Variants in PLCB1 observed in about 807,000 individuals in gnomAD.
PLCB1 encodes the protein 1-phosphatidylinositol 4,5-bisphosphate phosphodiesterase beta-1.
In PLCB1, 46 loss-of-function variants were observed where a neutral mutation model predicts 161.8. The observed-to-expected ratio is 0.28, with a 90% confidence interval of 0.22 to 0.36. The LOEUF is 0.36. Ranked by LOEUF, PLCB1 falls within the 10% of genes least tolerant of loss-of-function variation. The pLI is 1.00. For missense variants in PLCB1, 1,016 were observed against 1,472.5 expected (o/e 0.69, Z 5.07); for synonymous variants, 517 against 503.7 (o/e 1.03, Z -0.35).
At position 8,628,132 on chromosome 20, in the gene PLCB1, C is replaced by G. The variant is rs6133595; in HGVS notation, c.247-162C>G. Among the ~76,000 whole-genome samples, 2,656 of 152,274 alleles carry G rather than the reference C, an allele frequency of 0.017. 26 individuals are homozygous for G. Among genetic ancestry groups the G allele is most frequent in the South Asian group, 0.035 (169 of 4,828 alleles). On this transcript the variant is annotated intron_variant, in intron 3 of 31. Coordinates refer to ENST00000338037, the MANE Select transcript of PLCB1 (RefSeq NM_015192.4). ...CCTCTGGGCAAGTTGCTTCATCTCT[C>G]TAGGCCATTTGTGGAATGGGAGCCT...
At chr20:8,377,634 A>C (rs1279701287) in intron 3 of PLCB1, among the ~76,000 whole-genome samples, 3 of 152,210 alleles carry the variant, frequency 2.0e-5, no homozygotes, top group Non-Finnish European at 4.4e-5. Flanking sequence ...TTTAAGATAG[A>C]GACACAGGGT....
At chr20:8,168,762 T>C (rs537921365) in intron 2 of PLCB1, among the ~76,000 whole-genome samples, 155 of 151,988 alleles carry the variant, frequency 1.0e-3, no homozygotes, top group African/African-American at 1.5e-3. Context: ...TTTTTTTTTT[T>C]CCCTTTCTTT....
intron 2 of PLCB1, among the ~76,000 whole-genome samples, chr20:8,166,179 G>T (rs1401142326): frequency 6.6e-6 from 1 of 151,996 alleles, no homozygotes; most frequent in Non-Finnish European, 1.5e-5. Context: ...TCAAAGACCT[G>T]CCTATGCTCT....
At chr20:8,279,417 A>G (rs1982766611) in intron 2 of PLCB1, among the ~76,000 whole-genome samples, 1 of 152,228 alleles carries the variant, frequency 6.6e-6, no homozygotes, top group South Asian at 2.1e-4. Flanking sequence ...CATATTCACA[A>G]AGACAGAAAG....
chr20:8,631,911 TA>T (rs1988600211), intron 4 of PLCB1, among the ~76,000 whole-genome samples: 1 of 151,818 alleles, frequency 6.6e-6, no homozygotes, highest in South Asian at 2.1e-4. Flanking sequence ...GGGCCAAATT[TA>T]AAAGTCAAGA....
chr20:8,793,023 T>G (rs900472629), intron 31 of PLCB1, among the ~76,000 whole-genome samples: 2 of 152,192 alleles, frequency 1.3e-5, no homozygotes, highest in African/African-American at 4.8e-5. Context: ...ACACTGGCTT[T>G]GAAATAATCC....
At chr20:8,229,019 A>G (rs1979858887) in intron 2 of PLCB1, among the ~76,000 whole-genome samples, 1 of 151,992 alleles carries the variant, frequency 6.6e-6, no homozygotes, top group Non-Finnish European at 1.5e-5. Context: ...TGTGTCCTTT[A>G]ACAAATCCCC....
intron 4 of PLCB1, among the ~76,000 whole-genome samples, chr20:8,631,174 C>G (rs2123229525): frequency 6.6e-6 from 1 of 152,294 alleles, no homozygotes; most frequent in East Asian, 1.9e-4. Context: ...TTGTTGGGCC[C>G]CAGCCCCAGC....
At chr20:8,820,871 G>A (rs940284338) in intron 31 of PLCB1, among the ~76,000 whole-genome samples, 1 of 151,906 alleles carries the variant, frequency 6.6e-6, no homozygotes, top group Admixed American at 6.6e-5. Context: ...AAAAAAACAA[G>A]TGGGAGGAAA....
At chr20:8,442,809 C>A (rs1980621844) in intron 3 of PLCB1, among the ~76,000 whole-genome samples, 1 of 151,990 alleles carries the variant, frequency 6.6e-6, no homozygotes, top group Admixed American at 6.6e-5. Flanking sequence ...AATATGAAAA[C>A]CAAGCATGCT....
chr20:8,467,974 T>C (rs2122706616), intron 3 of PLCB1, among the ~76,000 whole-genome samples: 1 of 152,314 alleles, frequency 6.6e-6, no homozygotes, highest in Admixed American at 6.5e-5. Flanking sequence ...CTTAGCAATA[T>C]GAAATAACAA....
chr20:8,378,725 G>T (rs1987171183), intron 3 of PLCB1, among the ~76,000 whole-genome samples: 2 of 152,282 alleles, frequency 1.3e-5, no homozygotes, highest in South Asian at 4.1e-4. Flanking sequence ...AATCCTGTTT[G>T]ATATTTTACC....
intron 31 of PLCB1, among the ~76,000 whole-genome samples, chr20:8,865,644 T>A (rs1234669156): frequency 6.6e-6 from 1 of 152,158 alleles, no homozygotes; most frequent in Non-Finnish European, 1.5e-5. Context: ...AGAACCAGGT[T>A]CCTTTCATAA....
chr20:8,286,826 T>G (rs1324023842), intron 2 of PLCB1, among the ~76,000 whole-genome samples: 4 of 152,308 alleles, frequency 2.6e-5, no homozygotes, highest in African/African-American at 9.6e-5. Flanking sequence ...TGCTTTATTT[T>G]TAATATAATA....
chr20:8,389,819 AC>A lies in PLCB1; in HGVS notation c.246+18373del, dbSNP rs765177415. Among the ~76,000 whole-genome samples, 6 of 152,262 alleles carry A rather than the reference AC, an allele frequency of 3.9e-5. No individual in the cohort carries two copies. The East Asian group carries it at 9.7e-4, about 24-fold the overall frequency. The stretch of plus-strand genomic sequence containing the variant: ...TTTAAAATCCTGATGTGCAGGCCAC[AC>A]CCCAATCAATTAAATTGAAATGTCT... On this transcript the variant is annotated intron_variant, in intron 3 of 31. Coordinates refer to ENST00000338037, the MANE Select transcript of PLCB1 (RefSeq NM_015192.4).
rs577144973 is a variant in PLCB1 at position 8,539,800 on chromosome 20, C to G, written c.247-88494C>G. 1.3e-3 allele frequency among the ~76,000 whole-genome samples: 196 copies of G among 149,732 alleles called. 1 individual carries two copies. The highest frequency in any genetic ancestry group is 4.8e-3 in the African/African-American group (193 of 40,410). On this transcript the variant is annotated intron_variant, in intron 3 of 31. Coordinates refer to ENST00000338037, the MANE Select transcript of PLCB1 (RefSeq NM_015192.4). Reference sequence around the variant, plus strand: ...TCCTTCCTTCCTTCCTTTCTCTCTTCCATTTGTTGTTCTTTGTTTTTTTGT... The same window carrying G: ...TCCTTCCTTCCTTCCTTTCTCTCTTGCATTTGTTGTTCTTTGTTTTTTTGT...
At chr20:8,191,787 C>T (rs530652917) in intron 2 of PLCB1, among the ~76,000 whole-genome samples, 1 of 152,104 alleles carries the variant, frequency 6.6e-6, no homozygotes, top group Admixed American at 6.6e-5. Flanking sequence ...AGATGAGGGT[C>T]AGTCACTTAT....
intron 26 of PLCB1, among the ~76,000 whole-genome samples, chr20:8,768,298 G>T (rs777377937): frequency 2.0e-5 from 3 of 151,946 alleles, no homozygotes; most frequent in Non-Finnish European, 2.9e-5. Context: ...GCAATCTTTG[G>T]CATTCCTTGG....
chr20:8,395,622 A>G (rs543991831), intron 3 of PLCB1, among the ~76,000 whole-genome samples: 2 of 152,168 alleles, frequency 1.3e-5, no homozygotes, highest in Non-Finnish European at 2.9e-5. Context: ...GGTGGTTTAT[A>G]AAACTTTGAG....
Sources: allele counts gnomAD v4.1 joint callset (sites outside exome capture counted in the v4.1 genomes callset), GRCh38; gene constraint gnomAD v4.1.1; transcripts MANE v1.5; gene names NCBI Gene and HGNC (gene_info 2026-07-23, HGNC 2026-07-21).